The following CHD3 variants were observed in gnomAD, a reference collection of about 807,000 sequenced individuals.
The protein encoded by CHD3 is ATP-dependent chromatin remodeler CHD3.
Under a neutral mutation model 248.9 loss-of-function variants are expected in CHD3, and 52 were observed. The ratio of observed to expected loss-of-function variants is 0.21; its 90% CI spans 0.17 to 0.26. The LOEUF (loss-of-function observed/expected upper bound fraction) is 0.26. CHD3 is among the 10% of genes least tolerant of loss of function. CHD3 has a pLI of 1.00. For synonymous variants in CHD3, 985 were observed against 985.2 expected (o/e 1.00, Z 0.00); for missense variants, 1,482 against 2,605.8 (o/e 0.57, Z 9.39).
At chr17:7,892,267 C>T (rs962949520) in intron 4 of CHD3, among the ~76,000 whole-genome samples, 4 of 152,178 alleles carry the variant, frequency 2.6e-5, no homozygotes, top group Non-Finnish European at 4.4e-5. Context: ...TGGTCTGACT[C>T]TTTCACACTC....
chr17:7,901,504 G>GT (rs34660030), intron 20 of CHD3, 129 bp downstream of exon 20: 8,863 of 172,224 alleles, frequency 0.051, 44 homozygotes, highest in South Asian at 0.13. Context: ...TCCTGTAAGA[G>GT]TTTTTTTTTT....
In CHD3 at chr17:7,908,143, C is replaced by T. The variant is rs1971230022; in HGVS notation, c.5152+124C>T. 3 of 1,211,352 alleles carry T rather than the reference C, an allele frequency of 2.5e-6. No homozygotes were observed. The highest frequency in any genetic ancestry group is 3.0e-5 in the South Asian group (2 of 67,256). 75.0% of individuals were successfully genotyped at this position (1,211,352 alleles called of 1,614,324 possible). On this transcript the variant is annotated intron_variant, in intron 34 of 39. Coordinates refer to ENST00000330494, the MANE Select transcript of CHD3 (RefSeq NM_001005273.3). The surrounding 1 kb of genome is among the most constrained non-coding windows in gnomAD (Gnocchi z 5.8). ...AAGTAACTTCCAATGAAGTATGTTG[C>T]ATGCTGACTCCGATCCTTGCTCTAA...
At chr17:7,902,469 A>C (rs1255072654) in intron 20 of CHD3, 141 bp from the exon 21 acceptor site, 11 of 499,500 alleles carry the variant, frequency 2.2e-5, no homozygotes, top group Non-Finnish European at 3.6e-5. Context: ...TGTGACAAGA[A>C]GGTGGAATAA....
intron 10 of CHD3, among the ~76,000 whole-genome samples, chr17:7,896,680 G>A (rs113777117): frequency 3.0e-3 from 430 of 143,264 alleles, no homozygotes; most frequent in Non-Finnish European, 4.5e-3. Flanking sequence ...GCTGGGACGC[G>A]CCTGTTATTC....
chr17:7,910,695 C>T lies in CHD3; in HGVS notation c.5754+104C>T. The stretch of plus-strand genomic sequence containing the variant: ...CTATACAATATGGAAAAACAACTTG[C>T]TAGAACACAGTCATCACCCTTGAGT... On this transcript the variant is annotated intron_variant, in intron 38 of 39. Transcript: ENST00000330494. The surrounding 1 kb of genome is among the most constrained non-coding windows in gnomAD (Gnocchi z 4.7). 6.6e-7 allele frequency: 1 copy of T among 1,515,328 alleles called. No homozygotes were observed. Among genetic ancestry groups the T allele is most frequent in the Non-Finnish European group, 8.9e-7 (1 of 1,125,158 alleles). 93.9% of individuals were successfully genotyped at this position (1,515,328 alleles called of 1,614,324 possible). A position where few individuals can be genotyped will look rare whatever the true frequency, so the allele number is the denominator to read the frequency against.
chr17:7,907,945 G>A lies in CHD3; in HGVS notation c.5078G>A (p.Arg1693Gln), dbSNP rs1317429846. 15 of 1,612,980 alleles carry A rather than the reference G, an allele frequency of 9.3e-6. 1 individual carries two copies. The highest frequency in any genetic ancestry group is 4.5e-5 in the East Asian group (2 of 44,840). The change falls in exon 34 of 40, where the codon CGG becomes CAG. Residue 1693 changes from arginine to glutamine, a missense_variant. Around this residue, in one of 20 missense-constraint regions of CHD3, gnomAD observed 254 missense variants for 266.7 expected, o/e 0.95. Coordinates refer to ENST00000330494, the MANE Select transcript of CHD3 (RefSeq NM_001005273.3). This position sits in a 1 kb window ranked among gnomAD's most constrained non-coding sequence, Gnocchi z 4.3. ...CGACCAGGGCCTCGAGATGAGCCAC[G>A]GTCCAATGGGCGACGAGAGGAAAAG... Reference protein sequence around the residue: ...ELRPGPRDEPRSNGRREEKTE... With the variant: ...ELRPGPRDEPQSNGRREEKTE...
chr17:7,886,889 C>G (rs1968040937), upstream of CHD3, among the ~76,000 whole-genome samples: 1 of 152,038 alleles, frequency 6.6e-6, no homozygotes, highest in Non-Finnish European at 1.5e-5. This position sits in a 1 kb window ranked among gnomAD's most constrained non-coding sequence, Gnocchi z 4.2. Context: ...TGAGATGGGT[C>G]TTTGTGTCAA....
rs771926481 is a variant in CHD3 at position 7,900,438 on chromosome 17, C to T, written c.2804+27C>T. ...TAAGTGGTTCCCTAAGGGTAGTTGG[C>T]AGAGATGAGAGGTGGAGCAGATAAA... On this transcript the variant is annotated intron_variant, in intron 17 of 39. Coordinates refer to ENST00000330494, the MANE Select transcript of CHD3 (RefSeq NM_001005273.3). The surrounding 1 kb of genome is among the most constrained non-coding windows in gnomAD (Gnocchi z 6.5). The T allele has an allele frequency of 1.2e-6, 2 of 1,613,910 alleles. No individual in the cohort carries two copies. The highest frequency in any genetic ancestry group is 1.1e-5 in the South Asian group (1 of 91,060).
upstream of CHD3, among the ~76,000 whole-genome samples, chr17:7,885,543 GCGTGGGGGAGGGGCA>G (rs1455523193): frequency 9.9e-5 from 15 of 151,750 alleles, no homozygotes; most frequent in Admixed American, 6.5e-4. Context: ...CCGGACGGCG[GCGTGGGGGAGGGGCA>G]CGTGGGGGAG....
chr17:7,901,019 T>G (rs753425177), intron 19 of CHD3, 26 bp downstream of exon 19: 8 of 1,604,304 alleles, frequency 5.0e-6, no homozygotes, highest in African/African-American at 1.3e-5. Flanking sequence ...AGGGAGCTGA[T>G]CGAACGCCCA....
At position 7,905,196 on chromosome 17, in the gene CHD3, C is replaced by T. The variant is rs763883014; in HGVS notation, c.4138+31C>T. 11 of 1,597,988 alleles carry T rather than the reference C, an allele frequency of 6.9e-6. No homozygotes were observed. In the African/African-American group the frequency reaches 1.2e-4, roughly 18 times the overall value. ...ATCTGTGTTCCTGACTCTACCTCAC[C>T]TCTTCCCGTTTTATTTTCCAGTTTG... is the stretch of plus-strand genomic sequence containing the variant. On this transcript the variant is annotated intron_variant, in intron 26 of 39. Coordinates refer to ENST00000330494, the MANE Select transcript of CHD3 (RefSeq NM_001005273.3). This position sits in a 1 kb window ranked among gnomAD's most constrained non-coding sequence, Gnocchi z 5.8.
chr17:7,885,137 C>T, upstream of CHD3: 1 of 981,796 alleles, frequency 1.0e-6, no homozygotes, highest in Non-Finnish European at 1.2e-6. Flanking sequence ...CGCGGGCGCG[C>T]GAAGCCGGGC....
At chr17:7,898,234 G>A (rs1969917674) in intron 12 of CHD3, 132 bp downstream of exon 12, 1 of 1,120,828 alleles carries the variant, frequency 8.9e-7, no homozygotes, top group Non-Finnish European at 1.3e-6. Context: ...CCTGAGCTGG[G>A]TTGTTTGAGA....
Position 7,906,338 on chromosome 17 carries a change from C to A in CHD3, c.4359-215C>A, listed in dbSNP as rs927953372. On this transcript the variant is annotated intron_variant, in intron 28 of 39. Coordinates refer to ENST00000330494, the MANE Select transcript of CHD3 (RefSeq NM_001005273.3). This position sits in a 1 kb window ranked among gnomAD's most constrained non-coding sequence, Gnocchi z 5.0. ...ACTGATGGGGCCCAGGAATTAAGTA[C>A]CAAGGCCAAAGGGAAAGACCCAGGG... 11 of 677,200 alleles carry A rather than the reference C, an allele frequency of 1.6e-5. 1 individual carries two copies. The highest frequency in any genetic ancestry group is 1.5e-4 in the South Asian group (9 of 59,346). 41.9% of individuals were successfully genotyped at this position (677,200 alleles called of 1,614,324 possible). A position where few individuals can be genotyped will look rare whatever the true frequency, so the allele number is the denominator to read the frequency against.
In CHD3 at chr17:7,889,822, C is replaced by A; in HGVS notation, c.213+46C>A. On this transcript the variant is annotated intron_variant, in intron 2 of 39. Transcript: ENST00000330494. This position sits in a 1 kb window ranked among gnomAD's most constrained non-coding sequence, Gnocchi z 4.5. ...ACTCTGTGGCAAGGCTCAAGAGACC[C>A]ATTCTCAGAGACCTACATTTTCTCT... The A allele has an allele frequency of 6.6e-7, 1 of 1,526,008 alleles. No individual in the cohort carries two copies. The allele number at this position is 1,526,008 out of a possible 1,614,324, so 94.5% of individuals were successfully genotyped here.
Position 7,906,372 on chromosome 17 carries a change from C to A in CHD3, c.4359-181C>A. The A allele has an allele frequency of 1.4e-6, 1 of 694,758 alleles. No individual in the cohort carries two copies. The highest frequency in any genetic ancestry group is 2.5e-6 in the Non-Finnish European group (1 of 398,998). The allele number at this position is 694,758 out of a possible 1,614,324, so 43.0% of individuals were successfully genotyped here. On this transcript the variant is annotated intron_variant, in intron 28 of 39. Transcript: ENST00000330494. This position sits in a 1 kb window ranked among gnomAD's most constrained non-coding sequence, Gnocchi z 5.0. Reference sequence around the variant, plus strand: ...AAGGGAAAGACCCAGGGGTGGGGCGCAGGGGGACAGTTAGGACTTGGAGGG... The same window carrying A: ...AAGGGAAAGACCCAGGGGTGGGGCGAAGGGGGACAGTTAGGACTTGGAGGG...
rs976066363 is a variant in CHD3, at chr17:7,900,258, A to G, written c.2683-32A>G. The G allele has an allele frequency of 1.9e-5, 31 of 1,613,458 alleles. No homozygotes were observed. The highest frequency in any genetic ancestry group is 2.5e-5 in the Non-Finnish European group (30 of 1,179,896). ...TCGGTCACTTGTCACTAATAAGCCC[A>G]TTTTCCTGCCTTGCCTTGCCCCATC... is the stretch of plus-strand genomic sequence containing the variant. On this transcript the variant is annotated intron_variant, in intron 16 of 39. Transcript: ENST00000330494. This position sits in a 1 kb window ranked among gnomAD's most constrained non-coding sequence, Gnocchi z 6.5.
chr17:7,891,810 G>A (rs552326735), intron 4 of CHD3, among the ~76,000 whole-genome samples: 58 of 150,004 alleles, frequency 3.9e-4, no homozygotes, highest in Non-Finnish European at 7.6e-4. Context: ...GTAGTGAGCC[G>A]AGATCACACC....
At chr17:7,892,643 C>T (rs778673181) in intron 4 of CHD3, among the ~76,000 whole-genome samples, 5 of 151,806 alleles carry the variant, frequency 3.3e-5, no homozygotes, top group Admixed American at 6.6e-5. Flanking sequence ...ACTACAGGTG[C>T]GCACCACTAC....
Sources: gnomAD v4.1 joint callset for allele counts (sites outside exome capture counted in the v4.1 genomes callset) on GRCh38, gnomAD v4.1.1 for gene constraint, gnomAD v4.1.1 regional missense constraint, Gnocchi (gnomAD v3.1) non-coding constraint, MANE v1.5 for transcripts, NCBI Gene and HGNC (gene_info 2026-07-23, HGNC 2026-07-21) for gene names.